The following OR2C1 variants were observed in gnomAD, a reference collection of about 807,000 sequenced individuals.
OR2C1 encodes the protein olfactory receptor 2C1.
For missense variants in OR2C1, 468 were observed against 388.3 expected, an observed-to-expected ratio of 1.21 and a Z score of -1.73; for synonymous variants, 209 against 167.3, an observed-to-expected ratio of 1.25 and a Z score of -1.92.
chr16:3,355,826 G>C (rs1218047147), upstream of OR2C1: 2 of 717,008 alleles, frequency 2.8e-6, no homozygotes, highest in Non-Finnish European at 4.6e-6. Context: ...ATGGATCCCA[G>C]AGAACTATTA....
chr16:3,347,398 T>G, the OR2C1 span, among the ~76,000 whole-genome samples: 5 of 151,872 alleles, frequency 3.3e-5, no homozygotes, highest in African/African-American at 1.2e-4. Flanking sequence ...CTGTCTCTAA[T>G]TAAATTAAAC....
At chr16:3,350,891 A>T (rs1017382644), upstream of OR2C1, among the ~76,000 whole-genome samples, 2 of 151,150 alleles carry the variant, frequency 1.3e-5, no homozygotes, top group African/African-American at 4.9e-5. Context: ...GACTTCAGGT[A>T]TAGGCTGGGT....
the OR2C1 span, among the ~76,000 whole-genome samples, chr16:3,341,957 G>A: frequency 2.0e-5 from 3 of 152,082 alleles, no homozygotes; most frequent in Admixed American, 2.0e-4. Context: ...TTATCCTAGA[G>A]GAATAAAAGC....
chr16:3,356,189 C>G lies in OR2C1; in HGVS notation c.249C>G (p.Ile83Met). The change falls in exon 1 of 1, where the codon ATC becomes ATG. Residue 83 changes from isoleucine to methionine, a missense_variant. By Grantham distance (10) the Ile-to-Met change is conservative (BLOSUM62 1). Transcript: ENST00000304936. ...FATSSVPQML[I>M]NLWGPGKTIS... Reference sequence around the variant, plus strand: ...CTAGTTCAGTCCCCCAAATGCTGATCAATTTATGGGGACCAGGCAAGACCA... The same window carrying G: ...CTAGTTCAGTCCCCCAAATGCTGATGAATTTATGGGGACCAGGCAAGACCA... The G allele has an allele frequency of 6.2e-7, 1 of 1,614,202 alleles. No homozygotes were observed. The highest frequency in any genetic ancestry group is 1.1e-5 in the South Asian group (1 of 91,072).
At chr16:3,329,722 T>A in the OR2C1 span, among the ~76,000 whole-genome samples, 1 of 146,626 alleles carries the variant, frequency 6.8e-6, no homozygotes, top group Non-Finnish European at 1.5e-5. Flanking sequence ...GTGCTGGGAT[T>A]ACAGGCGTGA....
At chr16:3,348,464 G>A in the OR2C1 span, among the ~76,000 whole-genome samples, 2 of 152,152 alleles carry the variant, frequency 1.3e-5, no homozygotes, top group Non-Finnish European at 2.9e-5. Flanking sequence ...CTCAGCCTGA[G>A]TTCCTCTATT....
At chr16:3,325,930 C>CTTT in the OR2C1 span, among the ~76,000 whole-genome samples, 4 of 127,968 alleles carry the variant, frequency 3.1e-5, no homozygotes, top group African/African-American at 6.0e-5. Flanking sequence ...CAAGTGCATT[C>CTTT]TTTTTTTTTT....
At chr16:3,336,656 C>T in the OR2C1 span, among the ~76,000 whole-genome samples, 19 of 144,304 alleles carry the variant, frequency 1.3e-4, no homozygotes, top group East Asian at 2.5e-3. Flanking sequence ...CTACCACACC[C>T]GGCCCTAGTT....
At chr16:3,343,857 A>T in the OR2C1 span, among the ~76,000 whole-genome samples, 2 of 152,396 alleles carry the variant, frequency 1.3e-5, no homozygotes, top group Admixed American at 1.3e-4. Context: ...AGGTCAGCAT[A>T]GACCAAATTA....
chr16:3,325,992 G>A, the OR2C1 span, among the ~76,000 whole-genome samples: 1 of 148,848 alleles, frequency 6.7e-6, no homozygotes, highest in Admixed American at 6.7e-5. Flanking sequence ...GTGCAGTGGT[G>A]CGATCTCGGC....
At chr16:3,334,139 A>C in the OR2C1 span, among the ~76,000 whole-genome samples, 1 of 142,842 alleles carries the variant, frequency 7.0e-6, no homozygotes, top group Admixed American at 7.0e-5. Flanking sequence ...TGCTTTGCTA[A>C]TTTTTTTTTT....
chr16:3,356,006 G>C lies in OR2C1; in HGVS notation c.66G>C (p.Gln22His), dbSNP rs1221875070. Residue 22 changes from glutamine (Q) to histidine (H), a missense_variant, in exon 1 of 1, where the codon CAG (glutamine) becomes CAC (histidine). Coordinates refer to ENST00000304936, the MANE Select transcript of OR2C1 (RefSeq NM_012368.3). ...TGATGGGCATATCAGACCATCCCCAGCTGGAGATGATCTTTTTTATAGCCA... is the reference window on the plus strand; with the variant it reads ...TGATGGGCATATCAGACCATCCCCACCTGGAGATGATCTTTTTTATAGCCA... ...FVLMGISDHP[Q>H]LEMIFFIAIL... 6 of 1,614,062 alleles carry C rather than the reference G, an allele frequency of 3.7e-6. No individual in the cohort carries two copies. Among genetic ancestry groups the C allele is most frequent in the Non-Finnish European group, 5.1e-6 (6 of 1,179,946 alleles).
At chr16:3,345,304 G>A in the OR2C1 span, among the ~76,000 whole-genome samples, 1 of 151,956 alleles carries the variant, frequency 6.6e-6, no homozygotes, top group Non-Finnish European at 1.5e-5. Context: ...CTAACATGGT[G>A]AAACCCCGTC....
At chr16:3,354,833 G>C (rs560101752), upstream of OR2C1, among the ~76,000 whole-genome samples, 6 of 152,074 alleles carry the variant, frequency 3.9e-5, no homozygotes, top group Non-Finnish European at 7.4e-5. Flanking sequence ...TGGAGTACAG[G>C]GGCTCACTGC....
the OR2C1 span, among the ~76,000 whole-genome samples, chr16:3,325,460 AATATAT>A: frequency 0.077 from 7,047 of 91,856 alleles, 240 homozygotes; most frequent in Admixed American, 0.082. Flanking sequence ...TATGTCTAAA[AATATAT>A]ATATATATAT....
At chr16:3,325,828 G>T in the OR2C1 span, among the ~76,000 whole-genome samples, 8 of 151,766 alleles carry the variant, frequency 5.3e-5, no homozygotes, top group East Asian at 1.2e-3. Context: ...TTCTCAAATT[G>T]CCATGCTAAA....
upstream of OR2C1, among the ~76,000 whole-genome samples, chr16:3,351,887 C>CTTTTTTTTT (rs35692577): frequency 1.6e-5 from 2 of 124,604 alleles, no homozygotes; most frequent in Non-Finnish European, 1.7e-5. Context: ...AGCATTTAGT[C>CTTTTTTTTT]TTTTTTTTTT....
chr16:3,323,856 G>C, the OR2C1 span: 11 of 1,364,510 alleles, frequency 8.1e-6, no homozygotes, highest in Middle Eastern at 2.5e-4. Context: ...TTGAGGACTT[G>C]ATAAGCCTTC....
chr16:3,331,837 C>T, the OR2C1 span, among the ~76,000 whole-genome samples: 2 of 149,182 alleles, frequency 1.3e-5, no homozygotes, highest in African/African-American at 4.9e-5. Flanking sequence ...AAATGTCCAA[C>T]AATGATAGAC....
Sources: allele counts gnomAD v4.1 joint callset (sites outside exome capture counted in the v4.1 genomes callset), GRCh38; gene constraint gnomAD v4.1.1; transcripts MANE v1.5; gene names NCBI Gene and HGNC (gene_info 2026-07-23, HGNC 2026-07-21).